The following SPIDR variants were observed in gnomAD, a reference collection of about 807,000 sequenced individuals.
SPIDR encodes scaffold protein involved in DNA repair, also known as DNA repair-scaffolding protein.
SPIDR carries 93 observed loss-of-function variants against 104.6 expected under a neutral mutation model. The ratio of observed to expected loss-of-function variants is 0.89; its 90% CI spans 0.75 to 1.06. The LOEUF (loss-of-function observed/expected upper bound fraction) is 1.06. Among genes scored for constraint, SPIDR ranks in the 50% least tolerant of loss-of-function variants. The probability of loss-of-function intolerance (pLI) is 0.00; values close to 1 mark genes in which losing one functional copy is unlikely to be tolerated. For missense variants in SPIDR, 1,154 were observed against 1,111.2 expected (o/e 1.04, Z -0.55); for synonymous variants, 431 against 416.9 (o/e 1.03, Z -0.41).
intron 11 of SPIDR, among the ~76,000 whole-genome samples, chr8:47,693,101 A>G (rs1412328403): frequency 6.6e-6 from 1 of 152,200 alleles, no homozygotes; most frequent in African/African-American, 2.4e-5. Flanking sequence ...CTCTTGGGCT[A>G]TTTGTTGCTG....
chr8:47,673,487 G>A (rs947119764), intron 10 of SPIDR: 2 of 486,040 alleles, frequency 4.1e-6, no homozygotes, highest in Non-Finnish European at 8.1e-6. Context: ...TGGTCATCTT[G>A]AGGTACTTTT....
chr8:47,506,411 G>T (rs1249927430), intron 8 of SPIDR, among the ~76,000 whole-genome samples: 1 of 152,092 alleles, frequency 6.6e-6, no homozygotes, highest in Non-Finnish European at 1.5e-5. Context: ...TCTGCAGTTG[G>T]TTCCACCAGT....
intron 8 of SPIDR, among the ~76,000 whole-genome samples, chr8:47,487,495 C>G (rs547694602): frequency 3.9e-5 from 6 of 152,260 alleles, no homozygotes; most frequent in African/African-American, 1.4e-4. Context: ...CAGCTCTGCA[C>G]CTAGAGGACC....
intron 5 of SPIDR, among the ~76,000 whole-genome samples, chr8:47,341,243 T>C (rs2083764084): frequency 6.6e-6 from 1 of 152,250 alleles, no homozygotes; most frequent in African/African-American, 2.4e-5. Context: ...TTTCCTGACA[T>C]ATTTGTCTAT....
chr8:47,371,916 T>C (rs1415295407), intron 5 of SPIDR, among the ~76,000 whole-genome samples: 9 of 152,200 alleles, frequency 5.9e-5, no homozygotes, highest in Admixed American at 5.9e-4. Context: ...TCTGCCGTAT[T>C]GACTACATGG....
At chr8:47,512,436 G>A (rs2082477114) in intron 8 of SPIDR, among the ~76,000 whole-genome samples, 1 of 152,140 alleles carries the variant, frequency 6.6e-6, no homozygotes, top group South Asian at 2.1e-4. Context: ...CAGTAAATAT[G>A]GCTTATAAAG....
chr8:47,590,100 G>A (rs530451429), intron 8 of SPIDR, among the ~76,000 whole-genome samples: 1 of 151,854 alleles, frequency 6.6e-6, no homozygotes, highest in Non-Finnish European at 1.5e-5. Flanking sequence ...CTTGAACCCA[G>A]GTAGCGGAGA....
At chr8:47,539,605 A>G (rs2087699044) in intron 8 of SPIDR, among the ~76,000 whole-genome samples, 1 of 151,462 alleles carries the variant, frequency 6.6e-6, no homozygotes, top group African/African-American at 2.4e-5. Context: ...TGGCCACTTG[A>G]CTGTTATTCT....
chr8:47,647,655 G>GAGAGT, intron 10 of SPIDR, among the ~76,000 whole-genome samples: 1 of 50,230 alleles, frequency 2.0e-5, no homozygotes, highest in African/African-American at 7.5e-5. Context: ...AGAGAGAGAG[G>GAGAGT]GAGAGAGAGA....
At chr8:47,735,286 G>C (rs749870877) in intron 19 of SPIDR, 21 bp from the exon 20 acceptor site, 10 of 1,613,008 alleles carry the variant, frequency 6.2e-6, no homozygotes, top group Middle Eastern at 1.6e-4. Context: ...GCTTTAACCA[G>C]CGTGCCTTTT....
chr8:47,410,249 C>G (rs569789979), intron 7 of SPIDR, among the ~76,000 whole-genome samples: 66 of 151,640 alleles, frequency 4.4e-4, no homozygotes, highest in Non-Finnish European at 8.8e-4. Context: ...TGGCAAGATC[C>G]TGACTCACTG....
chr8:47,345,413 T>A (rs1324765294), intron 5 of SPIDR, among the ~76,000 whole-genome samples: 7 of 152,200 alleles, frequency 4.6e-5, no homozygotes, highest in Non-Finnish European at 7.4e-5. Context: ...TCCAGCTTTG[T>A]TCTTTTGGCT....
chr8:47,576,976 A>G (rs1300348423), intron 8 of SPIDR, among the ~76,000 whole-genome samples: 4 of 152,182 alleles, frequency 2.6e-5, no homozygotes, highest in Non-Finnish European at 5.9e-5. Context: ...TCACCTGGAG[A>G]AAAATGTGTA....
intron 7 of SPIDR, among the ~76,000 whole-genome samples, chr8:47,418,073 G>A (rs1204143624): frequency 6.6e-6 from 1 of 152,150 alleles, no homozygotes; most frequent in Non-Finnish European, 1.5e-5. Context: ...CTCCAGCTTT[G>A]TTCTTTTGGC....
chr8:47,366,443 C>T (rs2154292477), intron 5 of SPIDR, among the ~76,000 whole-genome samples: 1 of 152,104 alleles, frequency 6.6e-6, no homozygotes, highest in African/African-American at 2.4e-5. Flanking sequence ...CAAGGCTGTG[C>T]ACAGACAGAA....
At chr8:47,326,072 C>T (rs1169804726) in intron 5 of SPIDR, among the ~76,000 whole-genome samples, 1 of 152,192 alleles carries the variant, frequency 6.6e-6, no homozygotes, top group African/African-American at 2.4e-5. Context: ...CAGCTCACTG[C>T]AGCCTCCACC....
intron 8 of SPIDR, among the ~76,000 whole-genome samples, chr8:47,572,386 G>C (rs866055254): frequency 6.6e-6 from 1 of 152,100 alleles, no homozygotes; most frequent in South Asian, 2.1e-4. Flanking sequence ...TATGAGGGCC[G>C]GGCACGGTGG....
chr8:47,459,852 T>G (rs1386546944), intron 8 of SPIDR, among the ~76,000 whole-genome samples: 1 of 152,288 alleles, frequency 6.6e-6, no homozygotes, highest in Middle Eastern at 3.4e-3. Flanking sequence ...ATCTTTCAGT[T>G]TGAATAATTT....
chr8:47,419,467 C>T (rs1264362451), intron 7 of SPIDR, among the ~76,000 whole-genome samples: 26 of 151,890 alleles, frequency 1.7e-4, no homozygotes, highest in Admixed American at 1.4e-3. Context: ...TGGTGATATC[C>T]CCTTTATCAA....
Sources: gnomAD v4.1 joint callset for allele counts (sites outside exome capture counted in the v4.1 genomes callset) on GRCh38, gnomAD v4.1.1 for gene constraint, MANE v1.5 for transcripts, NCBI Gene and HGNC (gene_info 2026-07-23, HGNC 2026-07-21) for gene names.